ASTN2: variants seen among roughly 807,000 people sequenced by gnomAD.
ASTN2 encodes astrotactin 2, also known as astrotactin-2.
A neutral mutation model predicts 139.8 loss-of-function variants in ASTN2; 54 were observed. The observed-to-expected ratio is 0.39, with a 90% CI of 0.31 to 0.48. The LOEUF (loss-of-function observed/expected upper bound fraction) is 0.48. ASTN2 is among the 20% of genes least tolerant of loss of function. The probability of loss-of-function intolerance (pLI) is 0.95; values close to 1 mark genes in which losing one functional copy is unlikely to be tolerated. For missense variants in ASTN2, 1,565 were observed against 1,725.1 expected (o/e 0.91, Z 1.64); for synonymous variants, 756 against 719.5 (o/e 1.05, Z -0.81).
intron 13 of ASTN2, among the ~76,000 whole-genome samples, chr9:116,741,189 C>T (rs574572765): frequency 6.6e-6 from 1 of 152,150 alleles, no homozygotes. Flanking sequence ...TACATTAATA[C>T]ACAGCAGCCA....
chr9:117,147,912 G>A (rs961427150), intron 3 of ASTN2, among the ~76,000 whole-genome samples: 20 of 152,098 alleles, frequency 1.3e-4, no homozygotes, highest in Non-Finnish European at 2.2e-4. Flanking sequence ...CTTGGAGTTT[G>A]GATGTGACAT....
chr9:116,853,108 G>A (rs543335064), intron 11 of ASTN2, among the ~76,000 whole-genome samples: 1 of 152,216 alleles, frequency 6.6e-6, no homozygotes, highest in Non-Finnish European at 1.5e-5. Context: ...GCATAGGGAA[G>A]AAGTGTATGG....
intron 11 of ASTN2, among the ~76,000 whole-genome samples, chr9:116,851,495 T>C (rs534983508): frequency 2.0e-5 from 3 of 150,230 alleles, no homozygotes; most frequent in African/African-American, 7.6e-5. Flanking sequence ...TCTATCTATC[T>C]ATCTATCTAT....
At chr9:117,375,010 G>A (rs1830085176) in intron 1 of ASTN2, among the ~76,000 whole-genome samples, 1 of 152,152 alleles carries the variant, frequency 6.6e-6, no homozygotes. Context: ...TTCTTCCTCT[G>A]GATCTCCCTA....
At chr9:116,695,631 C>G (rs1045304054) in intron 16 of ASTN2, among the ~76,000 whole-genome samples, 1 of 152,194 alleles carries the variant, frequency 6.6e-6, no homozygotes, top group Non-Finnish European at 1.5e-5. Flanking sequence ...GGTTGACCAT[C>G]TGCAGATCAC....
At chr9:117,261,934 C>A (rs1833831436) in intron 2 of ASTN2, among the ~76,000 whole-genome samples, 1 of 152,282 alleles carries the variant, frequency 6.6e-6, no homozygotes, top group African/African-American at 2.4e-5. Context: ...GTGATAGAAT[C>A]TATTAAGAAG....
intron 10 of ASTN2, among the ~76,000 whole-genome samples, chr9:116,911,820 A>G (rs955927086): frequency 1.6e-4 from 24 of 152,256 alleles, no homozygotes; most frequent in African/African-American, 5.8e-4. Context: ...ACGTGAACCC[A>G]GTGGGGAGCT....
chr9:116,552,381 T>C (rs1330900007), intron 19 of ASTN2, among the ~76,000 whole-genome samples: 1 of 152,206 alleles, frequency 6.6e-6, no homozygotes, highest in East Asian at 1.9e-4. Context: ...AACATAGAAC[T>C]ATTTATTCCT....
Position 117,282,812 on chromosome 9 carries a change from T to C in ASTN2, c.630+8514A>G, listed in dbSNP as rs1055624283. ...AGCCTGCAGTGACTGCAGCTGCCGATGTGTAAGGTGCATGAGAAGTAAAGC... is the reference window on the plus strand; with the variant it reads ...AGCCTGCAGTGACTGCAGCTGCCGACGTGTAAGGTGCATGAGAAGTAAAGC... On this transcript the variant is annotated intron_variant, in intron 2 of 22. Coordinates refer to ENST00000313400, the MANE Select transcript of ASTN2 (RefSeq NM_001365068.1). Among the ~76,000 whole-genome samples the C allele has an allele frequency of 2.7e-4, 40 of 148,152 alleles. 4 individuals carry two copies. The highest frequency in any genetic ancestry group is 2.3e-3 in the Admixed American group (35 of 15,212).
intron 1 of ASTN2, among the ~76,000 whole-genome samples, chr9:117,407,671 C>T (rs1831034752): frequency 6.6e-6 from 1 of 152,136 alleles, no homozygotes; most frequent in South Asian, 2.1e-4. Flanking sequence ...TTTTGGGGGG[C>T]TATTGTCCAA....
chr9:116,475,788 T>C (rs766326547), intron 20 of ASTN2, among the ~76,000 whole-genome samples: 24 of 152,250 alleles, frequency 1.6e-4, no homozygotes, highest in Non-Finnish European at 2.5e-4. Flanking sequence ...ACCAACTCCC[T>C]GGAAGCTTCC....
At chr9:117,241,605 C>A (rs1833209124) in intron 2 of ASTN2, among the ~76,000 whole-genome samples, 2 of 152,104 alleles carry the variant, frequency 1.3e-5, no homozygotes, top group East Asian at 3.9e-4. Flanking sequence ...GATTCGTGGT[C>A]CTATGAGAAT....
chr9:117,122,962 GAGGAGCAGAAAGCTCCAA>G (rs761648757), intron 4 of ASTN2, among the ~76,000 whole-genome samples: 6 of 152,116 alleles, frequency 3.9e-5, no homozygotes, highest in Non-Finnish European at 7.3e-5. Flanking sequence ...CAGACCAGAT[GAGGAGCAGAAAGCTCCAA>G]AAGGGGCTGG....
intron 10 of ASTN2, among the ~76,000 whole-genome samples, chr9:116,904,049 G>A (rs545957118): frequency 9.8e-5 from 15 of 152,308 alleles, no homozygotes; most frequent in South Asian, 6.2e-4. Context: ...TCTGCTGTGC[G>A]CCACAGGGTC....
chr9:116,990,461 C>T (rs11999856), intron 7 of ASTN2, among the ~76,000 whole-genome samples: 31,644 of 152,048 alleles, frequency 0.21, 5,501 homozygotes, highest in African/African-American at 0.48. Context: ...GAAATGAGGT[C>T]TCACCATGCT....
intron 6 of ASTN2, among the ~76,000 whole-genome samples, chr9:117,033,976 G>C (rs552031123): frequency 2.6e-5 from 4 of 152,128 alleles, no homozygotes; most frequent in Non-Finnish European, 4.4e-5. Context: ...GTTATTGAAT[G>C]AATGTCTTCC....
chr9:116,997,211 T>C (rs1323869643), intron 7 of ASTN2, among the ~76,000 whole-genome samples: 1 of 152,210 alleles, frequency 6.6e-6, no homozygotes. Context: ...CTTGACCTTC[T>C]AAATTTTTGA....
At chr9:117,374,830 T>C (rs780382407) in intron 1 of ASTN2, among the ~76,000 whole-genome samples, 1 of 152,152 alleles carries the variant, frequency 6.6e-6, no homozygotes, top group Non-Finnish European at 1.5e-5. Context: ...AGGCATTGCA[T>C]GAAGGAGAAA....
intron 1 of ASTN2, among the ~76,000 whole-genome samples, chr9:117,396,282 T>C (rs931471257): frequency 1.3e-5 from 2 of 152,312 alleles, no homozygotes; most frequent in Non-Finnish European, 2.9e-5. Flanking sequence ...GCTGGCCTTC[T>C]TTCCACTGAC....
Sources: allele counts gnomAD v4.1 joint callset (sites outside exome capture counted in the v4.1 genomes callset), GRCh38; gene constraint gnomAD v4.1.1; transcripts MANE v1.5; gene names NCBI Gene and HGNC (gene_info 2026-07-23, HGNC 2026-07-21).